CNTN5: variants seen among roughly 807,000 people sequenced by gnomAD.
CNTN5 encodes the protein contactin-5.
CNTN5 carries 77 observed loss-of-function variants against 129.1 expected under a neutral mutation model. That is an observed-to-expected ratio of 0.60 (90% CI 0.50 to 0.72). The LOEUF (loss-of-function observed/expected upper bound fraction) is 0.72, where lower values mean the gene tolerates loss of function less well. Among genes scored for constraint, CNTN5 ranks in the 30% least tolerant of loss-of-function variants. CNTN5 has a pLI of 0.00. For missense variants in CNTN5, 1,478 were observed against 1,328.8 expected, an observed-to-expected ratio of 1.11 and a Z score of -1.75; for synonymous variants, 509 against 465.6, an observed-to-expected ratio of 1.09 and a Z score of -1.20.
chr11:99,192,492 T>A (rs1858693592), intron 1 of CNTN5, among the ~76,000 whole-genome samples: 1 of 151,962 alleles, frequency 6.6e-6, no homozygotes, highest in Admixed American at 6.6e-5. Context: ...TAGTAGATAG[T>A]AGATATGTCA....
intron 2 of CNTN5, among the ~76,000 whole-genome samples, chr11:99,496,676 A>C (rs758796982): frequency 2.6e-5 from 4 of 152,182 alleles, no homozygotes; most frequent in African/African-American, 4.8e-5. Flanking sequence ...CTACTACTTA[A>C]AATCATGTAA....
intron 6 of CNTN5, among the ~76,000 whole-genome samples, chr11:99,865,483 A>C (rs570418869): frequency 6.6e-6 from 1 of 151,988 alleles, no homozygotes; most frequent in East Asian, 1.9e-4. Flanking sequence ...ATCATGGCTT[A>C]TAAAATTATT....
intron 13 of CNTN5, among the ~76,000 whole-genome samples, chr11:100,077,397 CT>C (rs1285264696): frequency 6.6e-6 from 1 of 152,094 alleles, no homozygotes; most frequent in Non-Finnish European, 1.5e-5. Flanking sequence ...TAGTGTTGTC[CT>C]TCAATAAAAA....
At chr11:100,322,472 T>C (rs536423679) in intron 21 of CNTN5, among the ~76,000 whole-genome samples, 1 of 152,338 alleles carries the variant, frequency 6.6e-6, no homozygotes, top group Non-Finnish European at 1.5e-5. Flanking sequence ...TCCGGCCGTC[T>C]TGGCCTCCCA....
chr11:100,125,249 G>T (rs540311039), intron 13 of CNTN5, among the ~76,000 whole-genome samples: 1 of 152,044 alleles, frequency 6.6e-6, no homozygotes, highest in African/African-American at 2.4e-5. Flanking sequence ...ATGAAGCTGA[G>T]GTTTGTGATA....
At chr11:100,308,512 A>G in intron 21 of CNTN5, 44 bp downstream of exon 21, 1 of 1,569,370 alleles carries the variant, frequency 6.4e-7, no homozygotes, top group Non-Finnish European at 8.7e-7. Flanking sequence ...GTTTCTTCTG[A>G]CATCACATTC....
At chr11:99,491,395 G>T (rs912499614) in intron 2 of CNTN5, among the ~76,000 whole-genome samples, 1 of 151,968 alleles carries the variant, frequency 6.6e-6, no homozygotes, top group Non-Finnish European at 1.5e-5. Flanking sequence ...GATTATATTC[G>T]GAGGTTAATG....
At chr11:100,250,864 T>G (rs1949949480) in intron 16 of CNTN5, among the ~76,000 whole-genome samples, 1 of 152,182 alleles carries the variant, frequency 6.6e-6, no homozygotes, top group African/African-American at 2.4e-5. Context: ...CAAATTATTT[T>G]ATTTAAATTA....
chr11:99,217,122 C>A (rs1325866500), intron 1 of CNTN5, among the ~76,000 whole-genome samples: 1 of 152,044 alleles, frequency 6.6e-6, no homozygotes, highest in African/African-American at 2.4e-5. Context: ...AGAGTTTCCA[C>A]TGAGCCAAGA....
At chr11:100,330,252 T>C (rs1394822266) in intron 21 of CNTN5, among the ~76,000 whole-genome samples, 1 of 152,170 alleles carries the variant, frequency 6.6e-6, no homozygotes, top group African/African-American at 2.4e-5. Context: ...GACAAGGCTT[T>C]TGAATTAACT....
At chr11:99,898,906 G>A (rs551240221) in intron 6 of CNTN5, among the ~76,000 whole-genome samples, 14 of 151,950 alleles carry the variant, frequency 9.2e-5, no homozygotes, top group African/African-American at 2.9e-4. Context: ...CAAGATCAAC[G>A]TAAAGTTGCT....
intron 1 of CNTN5, among the ~76,000 whole-genome samples, chr11:99,126,700 G>C (rs1282291771): frequency 6.6e-6 from 1 of 152,158 alleles, no homozygotes; most frequent in East Asian, 1.9e-4. Context: ...AACTACAAGT[G>C]TTCATCTCTC....
chr11:99,519,756 G>T (rs182283254), intron 2 of CNTN5, among the ~76,000 whole-genome samples: 2 of 152,018 alleles, frequency 1.3e-5, no homozygotes, highest in East Asian at 3.9e-4. Context: ...ACCAGTCTGG[G>T]AACAATTCTA....
intron 21 of CNTN5, among the ~76,000 whole-genome samples, chr11:100,328,365 T>C (rs1951831792): frequency 6.6e-6 from 1 of 152,058 alleles, no homozygotes; most frequent in African/African-American, 2.4e-5. Flanking sequence ...TGAGACCGTG[T>C]CTCAAATGAG....
chr11:99,637,010 C>CA lies in CNTN5; in HGVS notation c.55+80772dup, dbSNP rs869133131. Among the ~76,000 whole-genome samples the CA allele has an allele frequency of 1.0e-3, 8 of 7,822 alleles. 1 individual carries two copies. The highest frequency in any genetic ancestry group is 2.3e-3 in the Admixed American group (1 of 440). 5.1% of individuals were successfully genotyped at this position (7,822 alleles called of 152,430 possible). A position where few individuals can be genotyped will look rare whatever the true frequency, so the allele number is the denominator to read the frequency against. ...CCTGGTGACAGAGCTAACTTTGTCT[C>CA]AAAAAAAAAAAAAAAAAAAAAAAAA... On this transcript the variant is annotated intron_variant, in intron 3 of 24. Transcript: ENST00000524871.
At chr11:99,781,456 G>A (rs1214199283) in intron 3 of CNTN5, among the ~76,000 whole-genome samples, 1 of 152,030 alleles carries the variant, frequency 6.6e-6, no homozygotes, top group African/African-American at 2.4e-5. Context: ...CATACTAAGT[G>A]ATATATTGAA....
chr11:99,688,560 A>C (rs1479765881), intron 3 of CNTN5, among the ~76,000 whole-genome samples: 1 of 151,300 alleles, frequency 6.6e-6, no homozygotes, highest in Non-Finnish European at 1.5e-5. Context: ...AGGTAGAAAG[A>C]TGGAAATTTT....
intron 2 of CNTN5, among the ~76,000 whole-genome samples, chr11:99,341,966 C>G (rs1430762122): frequency 6.6e-6 from 1 of 152,040 alleles, no homozygotes; most frequent in Non-Finnish European, 1.5e-5. Flanking sequence ...TACAATAATC[C>G]AGATTTGAAT....
intron 1 of CNTN5, among the ~76,000 whole-genome samples, chr11:99,167,167 G>A (rs1332790649): frequency 6.6e-6 from 1 of 151,680 alleles, no homozygotes; most frequent in Non-Finnish European, 1.5e-5. Context: ...AACATTTTAT[G>A]TTATTTTTAT....
Sources: gnomAD v4.1 joint callset for allele counts (sites outside exome capture counted in the v4.1 genomes callset) on GRCh38, gnomAD v4.1.1 for gene constraint, MANE v1.5 for transcripts, NCBI Gene and HGNC (gene_info 2026-07-23, HGNC 2026-07-21) for gene names.